Variants in OTOGL observed in about 807,000 individuals in gnomAD.
OTOGL encodes the protein otogelin-like protein.
Under a neutral mutation model 318.5 loss-of-function variants are expected in OTOGL, and 285 were observed. The ratio of observed to expected loss-of-function variants is 0.89; its 90% confidence interval spans 0.81 to 0.99. The LOEUF (loss-of-function observed/expected upper bound fraction) is 0.99, where lower values mean the gene tolerates loss of function less well. OTOGL is among the 50% of genes least tolerant of loss of function. OTOGL has a pLI of 0.00. For missense variants in OTOGL, 2,899 were observed against 2,845.6 expected, an observed-to-expected ratio of 1.02 and a Z score of -0.43; for synonymous variants, 987 against 936.5, an observed-to-expected ratio of 1.05 and a Z score of -0.99.
At chr12:80,291,221 C>T (rs919007509) in intron 26 of OTOGL, among the ~76,000 whole-genome samples, 5 of 152,054 alleles carry the variant, frequency 3.3e-5, no homozygotes, top group Non-Finnish European at 5.9e-5. Flanking sequence ...AAAAGACGTA[C>T]CATAGTTTCT....
chr12:80,142,761 T>C (rs1010219098), intron 1 of OTOGL, among the ~76,000 whole-genome samples: 33 of 152,086 alleles, frequency 2.2e-4, no homozygotes, highest in African/African-American at 8.0e-4. Context: ...TGTTCTGTGG[T>C]TGGGCCAAAC....
chr12:80,199,775 A>G (rs902902262), intron 1 of OTOGL, among the ~76,000 whole-genome samples: 1 of 152,192 alleles, frequency 6.6e-6, no homozygotes, highest in African/African-American at 2.4e-5. Context: ...GCTGCATGCA[A>G]TGTAGCTCAA....
At chr12:80,265,566 T>A in intron 20 of OTOGL, 1 of 218,930 alleles carries the variant, frequency 4.6e-6, no homozygotes. Flanking sequence ...GCAGTTGATT[T>A]GTATTTAAAT....
intron 7 of OTOGL, among the ~76,000 whole-genome samples, chr12:80,226,372 A>G (rs1426638480): frequency 1.3e-5 from 2 of 152,262 alleles, no homozygotes; most frequent in Admixed American, 6.6e-5. Flanking sequence ...ATTTTTCTAG[A>G]GTAAACAGTT....
chr12:80,143,416 C>T (rs142821344), intron 1 of OTOGL, among the ~76,000 whole-genome samples: 120 of 152,226 alleles, frequency 7.9e-4, no homozygotes, highest in Middle Eastern at 3.4e-3. Flanking sequence ...CACTGCTTGA[C>T]CTGCCTGTGT....
At chr12:80,123,725 C>A (rs899502382) in intron 1 of OTOGL, among the ~76,000 whole-genome samples, 1 of 152,060 alleles carries the variant, frequency 6.6e-6, no homozygotes. Flanking sequence ...TTAATGATTG[C>A]CATTCTAACT....
At chr12:80,176,122 T>C (rs1417391682) in intron 1 of OTOGL, among the ~76,000 whole-genome samples, 1 of 152,208 alleles carries the variant, frequency 6.6e-6, no homozygotes, top group Non-Finnish European at 1.5e-5. Context: ...ATTCATCTTC[T>C]AATAGGAATA....
chr12:80,356,389 T>C, intron 47 of OTOGL, 27 bp from the exon 48 acceptor site: 8 of 1,558,490 alleles, frequency 5.1e-6, no homozygotes, highest in Non-Finnish European at 7.1e-6. Flanking sequence ...TGTTCACTAA[T>C]ATTTTAACAG....
At chr12:80,189,488 C>T (rs1592530469) in intron 1 of OTOGL, 1 of 980,706 alleles carries the variant, frequency 1.0e-6, no homozygotes, top group African/African-American at 1.7e-5. Context: ...TCTCCTGCCC[C>T]CTTTAGCAAA....
rs1324169716 is a variant in OTOGL at position 80,101,285 on chromosome 12, GTTCTTTTTGT to G, written c.-20+1681_-20+1690del. Among the ~76,000 whole-genome samples the G allele has an allele frequency of 9.2e-5, 14 of 152,278 alleles. No homozygotes were observed. The South Asian group carries it at 2.9e-3, about 32-fold the overall frequency. The stretch of plus-strand genomic sequence containing the variant: ...GTTAGTACAGGCCTCATGGCTCTAA[GTTCTTTTTGT>G]GGTGGTAAGTGGGTGGAATATGTAT... On this transcript the variant is annotated intron_variant, in intron 1 of 58. Coordinates refer to ENST00000547103, the MANE Select transcript of OTOGL (RefSeq NM_001378609.3).
chr12:80,334,237 A>G (rs181700747), intron 38 of OTOGL, among the ~76,000 whole-genome samples: 2 of 152,162 alleles, frequency 1.3e-5, no homozygotes, highest in Non-Finnish European at 2.9e-5. Flanking sequence ...TAGAAAGATT[A>G]CATGTGAAGT....
intron 20 of OTOGL, chr12:80,265,830 G>T (rs1392583706): frequency 6.5e-6 from 1 of 153,040 alleles, no homozygotes; most frequent in Non-Finnish European, 1.5e-5. Flanking sequence ...TCATTGGCTG[G>T]TGTTGACGTT....
In OTOGL at chr12:80,378,693, C is replaced by T. The variant is rs922048767; in HGVS notation, c.*645C>T. 6.6e-6 allele frequency: 1 copy of T among 151,950 alleles called. No homozygotes were observed. The highest frequency in any genetic ancestry group is 2.4e-5 in the African/African-American group (1 of 41,390). 9.4% of individuals were successfully genotyped at this position (151,950 alleles called of 1,614,324 possible). ...GATTAAATCCTAGCTCTCTCTTATT[C>T]CAGTACTATATCACTTTTAAAATCC... is the stretch of plus-strand genomic sequence containing the variant. On this transcript the variant is annotated 3_prime_UTR_variant, in exon 59 of 59. Coordinates refer to ENST00000547103, the MANE Select transcript of OTOGL (RefSeq NM_001378609.3).
chr12:80,301,110 G>A (rs182978430), intron 27 of OTOGL, among the ~76,000 whole-genome samples: 1 of 152,144 alleles, frequency 6.6e-6, no homozygotes, highest in African/African-American at 2.4e-5. Flanking sequence ...TTCAAACTAC[G>A]CTTTTGTTAT....
At position 80,270,363 on chromosome 12, in the gene OTOGL, C is replaced by G. The variant is rs7310985; in HGVS notation, c.2518+209C>G. 0.022 allele frequency among the ~76,000 whole-genome samples: 3,319 copies of G among 152,192 alleles called. 50 individuals carry two copies. The highest frequency in any genetic ancestry group is 0.034 in the Non-Finnish European group (2,280 of 68,014). ...GACAGTCTGGGTTGAACATATAAGT[C>G]AGCTCAGGGGCGGAGCAGGTCAACC... On this transcript the variant is annotated intron_variant, in intron 23 of 58. Coordinates refer to ENST00000547103, the MANE Select transcript of OTOGL (RefSeq NM_001378609.3).
At chr12:80,338,877 T>C (rs1888569378) in intron 42 of OTOGL, among the ~76,000 whole-genome samples, 198 bp from the exon 43 acceptor site, 2 of 151,980 alleles carry the variant, frequency 1.3e-5, no homozygotes, top group South Asian at 4.1e-4. Flanking sequence ...AGAACACATA[T>C]TGACTAGAGC....
At position 80,231,574 on chromosome 12, in the gene OTOGL, C is replaced by T. The variant is rs145670995; in HGVS notation, c.612-1318C>T. Among the ~76,000 whole-genome samples, 755 of 152,050 alleles carry T rather than the reference C, an allele frequency of 5.0e-3. 8 individuals carry two copies. The highest frequency in any genetic ancestry group is 0.017 in the African/African-American group (715 of 41,504). On this transcript the variant is annotated intron_variant, in intron 8 of 58. Coordinates refer to ENST00000547103, the MANE Select transcript of OTOGL (RefSeq NM_001378609.3). ...TGTATGAATATACCTATTAACTACC[C>T]ATATTATTCACATTATGGTATATAA...
intron 1 of OTOGL, among the ~76,000 whole-genome samples, chr12:80,201,851 G>A (rs1025407413): frequency 3.3e-5 from 5 of 152,178 alleles, no homozygotes; most frequent in African/African-American, 1.2e-4. Context: ...AAGGTACCTA[G>A]AAGAGCAAAG....
Position 80,278,236 on chromosome 12 carries a change from A to C in OTOGL, c.2750A>C (p.Tyr917Ser), listed in dbSNP as rs560766169. 12 of 1,546,358 alleles carry C rather than the reference A, an allele frequency of 7.8e-6. No individual in the cohort carries two copies. The highest frequency in any genetic ancestry group is 1.0e-5 in the Non-Finnish European group (12 of 1,143,892). Reference protein sequence around the residue: ...SCPCIWKDWEYLSGEVIATPC... With the variant: ...SCPCIWKDWESLSGEVIATPC... Reference sequence around the variant, plus strand: ...CCATGTATTTGGAAAGATTGGGAGTATCTCTCAGGAGAAGTGATTGCTACA... The same window carrying C: ...CCATGTATTTGGAAAGATTGGGAGTCTCTCTCAGGAGAAGTGATTGCTACA... The change falls in exon 25 of 59, where the codon TAT (tyrosine) becomes TCT (serine). Residue 917 changes from tyrosine (Y) to serine (S), a missense_variant. Physicochemically the swap from Tyr to Ser is moderately radical, Grantham distance 144. Transcript: ENST00000547103.
Sources: allele counts gnomAD v4.1 joint callset (sites outside exome capture counted in the v4.1 genomes callset), GRCh38; gene constraint gnomAD v4.1.1; transcripts MANE v1.5; gene names NCBI Gene and HGNC (gene_info 2026-07-23, HGNC 2026-07-21).